The following CRIPT variants were observed in gnomAD, a reference collection of about 807,000 sequenced individuals.
CRIPT encodes the protein CXXC repeat containing interactor of PDZ3 domain.
A neutral mutation model predicts 16.6 loss-of-function variants in CRIPT; 20 were observed. That is an observed-to-expected ratio of 1.20 (90% CI 0.85 to 1.75). The LOEUF is 1.75. Among genes scored for constraint, CRIPT ranks in the 40% most tolerant of loss-of-function variants. CRIPT has a pLI of 0.00. For synonymous variants in CRIPT, 42 were observed against 37.0 expected (o/e 1.14, Z -0.49); for missense variants, 133 against 115.3 (o/e 1.15, Z -0.70).
At position 46,628,841 on chromosome 2, in the gene CRIPT, T is replaced by C. The variant is rs137875347; in HGVS notation, c.*4614T>C. Among the ~76,000 whole-genome samples the C allele has an allele frequency of 1.4e-3, 208 of 152,190 alleles. No homozygotes were observed. Among genetic ancestry groups the C allele is most frequent in the African/African-American group, 4.4e-3 (182 of 41,538 alleles). On this transcript the variant is annotated 3_prime_UTR_variant, in exon 5 of 5. Transcript: ENST00000238892. ...AAGGAAGACATACAAACAGACACTA[T>C]AACCAAATAAGATGACAGAATTAAG...
intron 3 of CRIPT, 89 bp from the exon 4 acceptor site, chr2:46,623,675 G>A (rs1028674096): frequency 3.0e-6 from 2 of 676,558 alleles, no homozygotes; most frequent in Admixed American, 5.2e-5. Flanking sequence ...TGGAGAGCAT[G>A]GATTAATCCT....
Position 46,629,178 on chromosome 2 carries a change from T to G in CRIPT, c.*4951T>G, listed in dbSNP as rs543597433. ...TTTTTCTCTGGAGTGGGTGTAAGGGTAGAGACTTAACTCTTTACATCCTTA... is the reference window on the plus strand; with the variant it reads ...TTTTTCTCTGGAGTGGGTGTAAGGGGAGAGACTTAACTCTTTACATCCTTA... On this transcript the variant is annotated 3_prime_UTR_variant, in exon 5 of 5. Coordinates refer to ENST00000238892, the MANE Select transcript of CRIPT (RefSeq NM_014171.6). Among the ~76,000 whole-genome samples, 11 of 152,186 alleles carry G rather than the reference T, an allele frequency of 7.2e-5. No individual in the cohort carries two copies. The highest frequency in any genetic ancestry group is 1.2e-4 in the Non-Finnish European group (8 of 68,026).
rs1163158660 is a variant in CRIPT, at chr2:46,624,751, T to G, written c.*524T>G. The G allele has an allele frequency of 1.3e-5, 2 of 152,220 alleles. No homozygotes were observed. Among genetic ancestry groups the G allele is most frequent in the Non-Finnish European group, 1.5e-5 (1 of 68,042 alleles). The allele number at this position is 152,220 out of a possible 1,614,324, so 9.4% of individuals were successfully genotyped here. ...AACCTAGACCCAAATCAAAGACCAG[T>G]TGGATTTATGATATTTTTTATTTGT... is the stretch of plus-strand genomic sequence containing the variant. On this transcript the variant is annotated 3_prime_UTR_variant, in exon 5 of 5. Coordinates refer to ENST00000238892, the MANE Select transcript of CRIPT (RefSeq NM_014171.6).
At position 46,628,399 on chromosome 2, in the gene CRIPT, T is replaced by C. The variant is rs1670994814; in HGVS notation, c.*4172T>C. Among the ~76,000 whole-genome samples the C allele has an allele frequency of 1.3e-5, 2 of 152,212 alleles. No individual in the cohort carries two copies. Among genetic ancestry groups the C allele is most frequent in the African/African-American group, 4.8e-5 (2 of 41,464 alleles). On this transcript the variant is annotated 3_prime_UTR_variant, in exon 5 of 5. Transcript: ENST00000238892. ...TGCTGGGATTACAGGCGTGAGCCAC[T>C]GGACCCGGCAGGATTTTTCTAATTC... is the stretch of plus-strand genomic sequence containing the variant.
In CRIPT at chr2:46,625,966, G is replaced by T. The variant is rs542438126; in HGVS notation, c.*1739G>T. 1.3e-5 allele frequency among the ~76,000 whole-genome samples: 2 copies of T among 152,150 alleles called. No homozygotes were observed. The highest frequency in any genetic ancestry group is 6.5e-5 in the Admixed American group (1 of 15,292). ...TTTTATAATTTCAACTTTTATTTTA[G>T]ATGTAGGGGTACATGTGCAGGTGAG... On this transcript the variant is annotated 3_prime_UTR_variant, in exon 5 of 5. Coordinates refer to ENST00000238892, the MANE Select transcript of CRIPT (RefSeq NM_014171.6).
rs551720589 is a variant in CRIPT, at chr2:46,617,458, A to G, written c.16+160A>G. Among the ~76,000 whole-genome samples the G allele has an allele frequency of 3.9e-5, 6 of 152,206 alleles. No homozygotes were observed. The East Asian group carries it at 1.2e-3, about 29-fold the overall frequency. On this transcript the variant is annotated intron_variant, in intron 1 of 4. Coordinates refer to ENST00000238892, the MANE Select transcript of CRIPT (RefSeq NM_014171.6). ...CCTTTGACCATTTTTGCACCTCCCA[A>G]CGACCATACAGTCCTATATATTTTG...
At position 46,626,415 on chromosome 2, in the gene CRIPT, T is replaced by C. The variant is rs780432681; in HGVS notation, c.*2188T>C. Reference sequence around the variant, plus strand: ...TGAATATGTGAGTGTATGTGTCTTTTTGGTAGAACAATTTATTTTCATTTG... The same window carrying C: ...TGAATATGTGAGTGTATGTGTCTTTCTGGTAGAACAATTTATTTTCATTTG... On this transcript the variant is annotated 3_prime_UTR_variant, in exon 5 of 5. Coordinates refer to ENST00000238892, the MANE Select transcript of CRIPT (RefSeq NM_014171.6). Among the ~76,000 whole-genome samples the C allele has an allele frequency of 7.9e-5, 12 of 152,224 alleles. No homozygotes were observed. The highest frequency in any genetic ancestry group is 1.8e-4 in the Non-Finnish European group (12 of 68,050).
rs1670945990 is a variant in CRIPT, at chr2:46,626,677, TG to T, written c.*2451del. On this transcript the variant is annotated 3_prime_UTR_variant, in exon 5 of 5. Transcript: ENST00000238892. ...ATAGCCATTCTGACTGGTGTGAGAT[TG>T]TAACTCATTGTGGTTTTGATTTGCA... is the stretch of plus-strand genomic sequence containing the variant. Among the ~76,000 whole-genome samples, 1 of 152,170 alleles carries T rather than the reference TG, an allele frequency of 6.6e-6. No individual in the cohort carries two copies. Among genetic ancestry groups the T allele is most frequent in the African/African-American group, 2.4e-5 (1 of 41,450 alleles).
chr2:46,620,361 C>T (rs1186793949), intron 3 of CRIPT, among the ~76,000 whole-genome samples: 1 of 152,078 alleles, frequency 6.6e-6, no homozygotes, highest in Non-Finnish European at 1.5e-5. Context: ...GTGGGAGGAT[C>T]ACTTGATCCC....
chr2:46,629,797 G>C lies in CRIPT; in HGVS notation c.*5570G>C, dbSNP rs908852721. 6.6e-6 allele frequency among the ~76,000 whole-genome samples: 1 copy of C among 152,152 alleles called. No homozygotes were observed. The highest frequency in any genetic ancestry group is 1.5e-5 in the Non-Finnish European group (1 of 68,034). On this transcript the variant is annotated 3_prime_UTR_variant, in exon 5 of 5. Transcript: ENST00000238892. ...GTTATTGTTTTTCCTTTTGCAATTA[G>C]TGGGTAATTTGTGAGGAGAAACTTT...
At chr2:46,619,521 T>A in intron 2 of CRIPT, 106 bp from the exon 3 acceptor site, 1 of 637,588 alleles carries the variant, frequency 1.6e-6, no homozygotes, top group South Asian at 2.6e-5. Flanking sequence ...ATTTAAAAAT[T>A]AGATATAGAC....
rs754837266 is a variant in CRIPT at position 46,624,194 on chromosome 2, G to A, written c.273G>A (p.Leu91=). Residue 91 remains leucine (L), a synonymous_variant, in exon 5 of 5, where the codon TTG becomes TTA. Transcript: ENST00000238892. Reference sequence around the variant, plus strand: ...GTGCGATGTGTGGAAAAAAGGTTTTGGATACCAAAAACTACAAGCAAACAT... The same window carrying A: ...GTGCGATGTGTGGAAAAAAGGTTTTAGATACCAAAAACTACAAGCAAACAT... ...GICAMCGKKV[L]DTKNYKQTSV 6.3e-7 allele frequency: 1 copy of A among 1,582,484 alleles called. No homozygotes were observed. The highest frequency in any genetic ancestry group is 8.6e-7 in the Non-Finnish European group (1 of 1,160,988).
Position 46,627,500 on chromosome 2 carries a change from G to A in CRIPT, c.*3273G>A, listed in dbSNP as rs1670968103. ...CTTCTGTTGCCCAGGCTGGAGTACA[G>A]TGGTACAATCTTGGCTCACCACAAC... is the stretch of plus-strand genomic sequence containing the variant. On this transcript the variant is annotated 3_prime_UTR_variant, in exon 5 of 5. Coordinates refer to ENST00000238892, the MANE Select transcript of CRIPT (RefSeq NM_014171.6). Among the ~76,000 whole-genome samples the A allele has an allele frequency of 6.6e-6, 1 of 150,840 alleles. No individual in the cohort carries two copies. The highest frequency in any genetic ancestry group is 1.5e-5 in the Non-Finnish European group (1 of 67,794).
At position 46,630,161 on chromosome 2, in the gene CRIPT, A is replaced by G. The variant is rs1671034942; in HGVS notation, c.*5934A>G. 6.6e-6 allele frequency among the ~76,000 whole-genome samples: 1 copy of G among 151,940 alleles called. No individual in the cohort carries two copies. The highest frequency in any genetic ancestry group is 6.6e-5 in the Admixed American group (1 of 15,216). On this transcript the variant is annotated 3_prime_UTR_variant, in exon 5 of 5. Transcript: ENST00000238892. ...CAATTACCAAAATCAGAAAATTAAC[A>G]TTAATACTTTACTATTATCAAATCT...
At chr2:46,618,464 A>G (rs1028584962) in intron 1 of CRIPT, among the ~76,000 whole-genome samples, 2 of 152,218 alleles carry the variant, frequency 1.3e-5, no homozygotes, top group Non-Finnish European at 2.9e-5. Context: ...AGCACTTTGT[A>G]TAGTTTATAC....
In CRIPT at chr2:46,624,044, T is replaced by A. The variant is rs56198684; in HGVS notation, c.242-119T>A. The A allele has an allele frequency of 0.21, 89,709 of 429,278 alleles. 10,437 individuals are homozygous for A. The highest frequency in any genetic ancestry group is 0.27 in the Admixed American group (5,805 of 21,270). 26.6% of individuals were successfully genotyped at this position (429,278 alleles called of 1,614,324 possible). On this transcript the variant is annotated intron_variant, in intron 4 of 4. Coordinates refer to ENST00000238892, the MANE Select transcript of CRIPT (RefSeq NM_014171.6). ...TTAAAATTATATATATATATATATT[T>A]TTTTTTTCTTTTCTTTTCTTTCCTG... is the stretch of plus-strand genomic sequence containing the variant.
chr2:46,618,404 G>A (rs1193553422), intron 1 of CRIPT, among the ~76,000 whole-genome samples: 2 of 152,124 alleles, frequency 1.3e-5, no homozygotes, highest in African/African-American at 4.8e-5. Context: ...AGAAATTAGT[G>A]TACTGTAATC....
Position 46,617,248 on chromosome 2 carries a change from T to G in CRIPT, c.-35T>G. 6.4e-7 allele frequency: 1 copy of G among 1,553,576 alleles called. No individual in the cohort carries two copies. Among genetic ancestry groups the G allele is most frequent in the Non-Finnish European group, 8.7e-7 (1 of 1,147,704 alleles). Reference sequence around the variant, plus strand: ...GTTGTTTTCAGCCTGCTGCTGCTGCTGCTGTTGCGGCTAGGGGAACCGTCG... The same window carrying G: ...GTTGTTTTCAGCCTGCTGCTGCTGCGGCTGTTGCGGCTAGGGGAACCGTCG... On this transcript the variant is annotated 5_prime_UTR_variant, in exon 1 of 5. Coordinates refer to ENST00000238892, the MANE Select transcript of CRIPT (RefSeq NM_014171.6).
In CRIPT at chr2:46,625,218, G is replaced by C. The variant is rs1007587628; in HGVS notation, c.*991G>C. The C allele has an allele frequency of 3.3e-5, 5 of 151,348 alleles. No individual in the cohort carries two copies. The highest frequency in any genetic ancestry group is 1.2e-4 in the African/African-American group (5 of 41,162). 9.4% of individuals were successfully genotyped at this position (151,348 alleles called of 1,614,324 possible). A position where few individuals can be genotyped will look rare whatever the true frequency, so the allele number is the denominator to read the frequency against. ...TCCTAAGTAGCTGGGGACTACAGGC[G>C]TGTGCCACTGTGCTCAGCTAGTTTT... On this transcript the variant is annotated 3_prime_UTR_variant, in exon 5 of 5. Coordinates refer to ENST00000238892, the MANE Select transcript of CRIPT (RefSeq NM_014171.6).
Sources: allele counts gnomAD v4.1 joint callset (sites outside exome capture counted in the v4.1 genomes callset), GRCh38; gene constraint gnomAD v4.1.1; transcripts MANE v1.5; gene names NCBI Gene and HGNC (gene_info 2026-07-23, HGNC 2026-07-21).